ATP2C2: variants seen among roughly 807,000 people sequenced by gnomAD.
The protein encoded by ATP2C2 is calcium-transporting ATPase type 2C member 2.
ATP2C2 carries 171 observed loss-of-function variants against 110.8 expected under a neutral mutation model. The ratio of observed to expected loss-of-function variants is 1.54; its 90% CI spans 1.36 to 1.75. ATP2C2 has a LOEUF of 1.75. Among genes scored for constraint, ATP2C2 ranks in the 40% most tolerant of loss-of-function variants. ATP2C2 has a pLI of 0.00. For missense variants in ATP2C2, 1,963 were observed against 1,235.0 expected (o/e 1.59, Z -8.84); for synonymous variants, 804 against 508.4 (o/e 1.58, Z -7.82).
At chr16:84,433,439 G>C (rs115244556) in intron 11 of ATP2C2, among the ~76,000 whole-genome samples, 2,229 of 151,976 alleles carry the variant, frequency 0.015, 32 homozygotes, top group African/African-American at 0.031. Flanking sequence ...CAGATCATGA[G>C]TTCAGGAGTT....
intron 3 of ATP2C2, among the ~76,000 whole-genome samples, chr16:84,406,970 A>C (rs560646578): frequency 6.6e-6 from 1 of 151,846 alleles, no homozygotes; most frequent in South Asian, 2.1e-4. Flanking sequence ...AATCTCTTAA[A>C]TTTCTTGAGA....
At chr16:84,374,026 C>G (rs182571332) in intron 1 of ATP2C2, among the ~76,000 whole-genome samples, 2 of 152,176 alleles carry the variant, frequency 1.3e-5, no homozygotes, top group Admixed American at 6.5e-5. Context: ...ATCTGATAAC[C>G]GTAGAACTGG....
intron 11 of ATP2C2, among the ~76,000 whole-genome samples, chr16:84,434,550 C>T (rs536383384): frequency 3.7e-4 from 56 of 151,694 alleles, no homozygotes; most frequent in Non-Finnish European, 6.9e-4. Flanking sequence ...TGGAGTCTCT[C>T]TCTGTCACCC....
At position 84,463,749 on chromosome 16, in the gene ATP2C2, G is replaced by T; in HGVS notation, c.*17G>T. ...GATGTGTAGTGGACCGCACTCCGCGGCACCTTCCCTAATCATCTCGATCTG... is the reference window on the plus strand; with the variant it reads ...GATGTGTAGTGGACCGCACTCCGCGTCACCTTCCCTAATCATCTCGATCTG... On this transcript the variant is annotated 3_prime_UTR_variant, in exon 27 of 27. Transcript: ENST00000262429. The T allele has an allele frequency of 1.3e-6, 2 of 1,585,374 alleles. No homozygotes were observed. Among genetic ancestry groups the T allele is most frequent in the South Asian group, 2.2e-5 (2 of 90,488 alleles).
At chr16:84,449,852 C>A (rs374301908) in intron 17 of ATP2C2, among the ~76,000 whole-genome samples, 3 of 152,194 alleles carry the variant, frequency 2.0e-5, no homozygotes, top group Non-Finnish European at 4.4e-5. Flanking sequence ...AGAGTGGACA[C>A]GTTAGTAAGT....
intron 12 of ATP2C2, 33 bp downstream of exon 12, chr16:84,439,323 G>A (rs373034436): frequency 1.3e-5 from 21 of 1,613,536 alleles, no homozygotes; most frequent in East Asian, 6.7e-5. Context: ...ATCCTTACAC[G>A]TGGAATTGAA....
intron 11 of ATP2C2, among the ~76,000 whole-genome samples, chr16:84,429,387 AG>A (rs1394923304): frequency 6.6e-6 from 1 of 152,182 alleles, no homozygotes; most frequent in African/African-American, 2.4e-5. Context: ...TCCTGACCTC[AG>A]GTGATCCACC....
At chr16:84,440,492 G>A (rs914106328) in intron 13 of ATP2C2, among the ~76,000 whole-genome samples, 1 of 152,222 alleles carries the variant, frequency 6.6e-6, no homozygotes, top group Non-Finnish European at 1.5e-5. Flanking sequence ...GTGCCGCAAC[G>A]GCAGAGCTGA....
chr16:84,395,515 G>C (rs960062642), intron 1 of ATP2C2, among the ~76,000 whole-genome samples: 4 of 150,550 alleles, frequency 2.7e-5, no homozygotes, highest in African/African-American at 9.8e-5. Context: ...CTGGAGTGCA[G>C]TGGCATGATC....
At chr16:84,444,323 A>G (rs1909551249) in intron 15 of ATP2C2, among the ~76,000 whole-genome samples, 1 of 151,542 alleles carries the variant, frequency 6.6e-6, no homozygotes, top group Non-Finnish European at 1.5e-5. Context: ...AAATATAAAA[A>G]TTAGCTGGGC....
chr16:84,410,687 G>T lies in ATP2C2; in HGVS notation c.454-17G>T, dbSNP rs1210828370. The T allele has an allele frequency of 6.2e-7, 1 of 1,614,010 alleles. No homozygotes were observed. The highest frequency in any genetic ancestry group is 1.1e-5 in the South Asian group (1 of 91,072). ...GTCCCCACCTTTAAACAGCACATCT[G>T]ATGTGCTTCCTGCCAGGAGTACAGG... is the stretch of plus-strand genomic sequence containing the variant. On this transcript the variant is annotated splice_polypyrimidine_tract_variant and intron_variant, in intron 5 of 26. Coordinates refer to ENST00000262429, the MANE Select transcript of ATP2C2 (RefSeq NM_014861.4).
chr16:84,445,210 CTTTT>C (rs373290504), intron 15 of ATP2C2, among the ~76,000 whole-genome samples: 3 of 141,686 alleles, frequency 2.1e-5, no homozygotes, highest in East Asian at 4.1e-4. Flanking sequence ...GCGTTTTCCT[CTTTT>C]TTTTTTTTTT....
At chr16:84,396,980 G>A (rs1295108196) in intron 1 of ATP2C2, among the ~76,000 whole-genome samples, 1 of 151,836 alleles carries the variant, frequency 6.6e-6, no homozygotes, top group Non-Finnish European at 1.5e-5. Context: ...CTGTCAAGAA[G>A]GAAGAGTGGG....
At chr16:84,461,139 T>A in intron 24 of ATP2C2, 1 of 322,386 alleles carries the variant, frequency 3.1e-6, no homozygotes, top group Non-Finnish European at 5.8e-6. Context: ...AATATCCTCC[T>A]GTGTTACACT....
intron 1 of ATP2C2, among the ~76,000 whole-genome samples, chr16:84,370,794 C>T (rs118158969): frequency 0.072 from 10,942 of 151,884 alleles, 540 homozygotes; most frequent in Non-Finnish European, 0.11. Context: ...CTGTAGGAGG[C>T]CTCTAAGCCC....
intron 11 of ATP2C2, among the ~76,000 whole-genome samples, chr16:84,436,672 G>T (rs1908763585): frequency 6.6e-6 from 1 of 151,946 alleles, no homozygotes. Flanking sequence ...CCTCAGCCTG[G>T]CCTCGGGTGG....
intron 16 of ATP2C2, among the ~76,000 whole-genome samples, chr16:84,448,196 AC>A (rs1909933991): frequency 6.6e-6 from 1 of 152,044 alleles, no homozygotes; most frequent in Non-Finnish European, 1.5e-5. Flanking sequence ...AGTTAATCAC[AC>A]CCCCAAAGGC....
intron 1 of ATP2C2, among the ~76,000 whole-genome samples, chr16:84,375,225 A>C (rs1051580367): frequency 1.3e-5 from 2 of 152,324 alleles, no homozygotes; most frequent in African/African-American, 4.8e-5. Context: ...GACGGCTATG[A>C]TTCTAATGTT....
At chr16:84,384,577 TTAAG>T (rs1904296923) in intron 1 of ATP2C2, among the ~76,000 whole-genome samples, 1 of 152,232 alleles carries the variant, frequency 6.6e-6, no homozygotes, top group Non-Finnish European at 1.5e-5. Flanking sequence ...CTTGTAATGA[TTAAG>T]TATTTTACCG....
Sources: allele counts gnomAD v4.1 joint callset (sites outside exome capture counted in the v4.1 genomes callset), GRCh38; gene constraint gnomAD v4.1.1; transcripts MANE v1.5; gene names NCBI Gene and HGNC (gene_info 2026-07-23, HGNC 2026-07-21).